Variants in SLC15A1 observed in about 807,000 individuals in gnomAD.
SLC15A1 encodes Caco-2 oligopeptide transporter.
In SLC15A1, 83 loss-of-function variants were observed where a neutral mutation model predicts 92.9. The ratio of observed to expected loss-of-function variants is 0.89; its 90% confidence interval spans 0.75 to 1.07. SLC15A1 has a LOEUF of 1.07. Among genes scored for constraint, SLC15A1 ranks in the 50% least tolerant of loss-of-function variants. The pLI is 0.00. For synonymous variants in SLC15A1, 322 were observed against 318.2 expected (o/e 1.01, Z -0.13); for missense variants, 857 against 880.1 (o/e 0.97, Z 0.33).
chr13:98,749,578 G>A (rs1479872922), intron 1 of SLC15A1, among the ~76,000 whole-genome samples: 2 of 152,134 alleles, frequency 1.3e-5, no homozygotes, highest in Non-Finnish European at 2.9e-5. Flanking sequence ...TTCGGAGGCT[G>A]CTTTTTCTTA....
intron 1 of SLC15A1, among the ~76,000 whole-genome samples, chr13:98,727,357 A>G (rs1006366416): frequency 7.2e-5 from 11 of 152,058 alleles, no homozygotes; most frequent in African/African-American, 2.7e-4. Flanking sequence ...CCCTTCCCAA[A>G]TCATCTCTGA....
At chr13:98,719,402 T>G (rs771771158) in intron 7 of SLC15A1, 82 bp from the exon 8 acceptor site, 203 of 961,026 alleles carry the variant, frequency 2.1e-4, no homozygotes, top group Middle Eastern at 1.3e-3. Flanking sequence ...CCCTCACTGA[T>G]AATTACGTAT....
rs1212219766 is a variant in SLC15A1 at position 98,692,434 on chromosome 13, C to A, written c.1467-3857G>T. Among the ~76,000 whole-genome samples, 4 of 152,052 alleles carry A rather than the reference C, an allele frequency of 2.6e-5. No homozygotes were observed. In the South Asian group the frequency reaches 8.3e-4, roughly 32 times the overall value. Reference sequence around the variant, plus strand: ...TCCACCTCCCAAAGTGCTGGGATTACAGCCATGAGCCACTAAACCCGGTCT... The same window carrying A: ...TCCACCTCCCAAAGTGCTGGGATTAAAGCCATGAGCCACTAAACCCGGTCT... On this transcript the variant is annotated intron_variant, in intron 18 of 22. Coordinates refer to ENST00000376503, the MANE Select transcript of SLC15A1 (RefSeq NM_005073.4).
chr13:98,691,052 G>GT (rs997824062), intron 18 of SLC15A1, among the ~76,000 whole-genome samples: 39 of 150,106 alleles, frequency 2.6e-4, no homozygotes, highest in East Asian at 9.8e-4. Flanking sequence ...TTCCTTTTTT[G>GT]TTTTTTTTTG....
Position 98,709,639 on chromosome 13 carries a change from C to G in SLC15A1, c.1000G>C (p.Val334Leu). 3 of 1,614,164 alleles carry G rather than the reference C, an allele frequency of 1.9e-6. No homozygotes were observed. The highest frequency in any genetic ancestry group is 1.6e-4 in the Middle Eastern group (1 of 6,062). The change falls in exon 14 of 23, where the codon GTG (valine) becomes CTG (leucine). Residue 334 changes from valine (V) to leucine (L), a missense_variant. By Grantham distance (32) the Val-to-Leu change is conservative (BLOSUM62 1). Transcript: ENST00000376503. ...QMQTVNAILIVIMVPIFDAVL... is the reference protein window; with the variant it reads ...QMQTVNAILILIMVPIFDAVL... ...GCATCGAAGATCGGGACCATGATCA[C>G]GATCAGGATGGCGTTCACGGTCTGC...
chr13:98,686,798 T>C (rs1451579327), intron 21 of SLC15A1, among the ~76,000 whole-genome samples: 2 of 152,198 alleles, frequency 1.3e-5, no homozygotes, highest in Non-Finnish European at 2.9e-5. Context: ...TAAAAATTGA[T>C]GGTACTAGGC....
At chr13:98,717,770 T>A (rs2088222400) in intron 8 of SLC15A1, among the ~76,000 whole-genome samples, 1 of 152,228 alleles carries the variant, frequency 6.6e-6, no homozygotes, top group South Asian at 2.1e-4. Context: ...ACTACTAAGA[T>A]CTGAAAACAA....
chr13:98,735,991 C>T (rs1209429119), intron 1 of SLC15A1, among the ~76,000 whole-genome samples: 4 of 152,154 alleles, frequency 2.6e-5, no homozygotes, highest in Admixed American at 2.6e-4. Flanking sequence ...GAAAAAACTA[C>T]TTTAAAGTTC....
In SLC15A1 at chr13:98,737,895, T is replaced by A. The variant is rs559351929; in HGVS notation, c.5-11036A>T. Reference sequence around the variant, plus strand: ...TTAGAAACTGTCTAAATGGTTGTGATCAAAATGCAAATAGTGACATGGACT... The same window carrying A: ...TTAGAAACTGTCTAAATGGTTGTGAACAAAATGCAAATAGTGACATGGACT... On this transcript the variant is annotated intron_variant, in intron 1 of 22. Transcript: ENST00000376503. Among the ~76,000 whole-genome samples, 3 of 152,280 alleles carry A rather than the reference T, an allele frequency of 2.0e-5. No individual in the cohort carries two copies. The East Asian group carries it at 5.8e-4, about 29-fold the overall frequency.
chr13:98,686,385 A>T, intron 21 of SLC15A1, 88 bp from the exon 22 acceptor site: 1 of 863,218 alleles, frequency 1.2e-6, no homozygotes, highest in East Asian at 2.7e-5. Context: ...TTCGTGAAGC[A>T]GATCACCCTA....
intron 18 of SLC15A1, among the ~76,000 whole-genome samples, chr13:98,690,681 T>G (rs1396612621): frequency 6.6e-6 from 1 of 152,080 alleles, no homozygotes; most frequent in African/African-American, 2.4e-5. Context: ...GATTCAGTGG[T>G]GATGGGAACC....
chr13:98,700,338 A>G (rs1208346039), intron 18 of SLC15A1, among the ~76,000 whole-genome samples: 1 of 152,002 alleles, frequency 6.6e-6, no homozygotes, highest in African/African-American at 2.4e-5. Context: ...AGTGAAAATT[A>G]GCTGGGTGTG....
chr13:98,688,646 AC>A, intron 18 of SLC15A1, 69 bp from the exon 19 acceptor site: 1 of 1,144,320 alleles, frequency 8.7e-7, no homozygotes, highest in South Asian at 1.3e-5. Flanking sequence ...CAGTACATGC[AC>A]CTGAAGTTGG....
chr13:98,686,836 A>G (rs1403603408), intron 21 of SLC15A1, among the ~76,000 whole-genome samples: 1 of 152,244 alleles, frequency 6.6e-6, no homozygotes, highest in Non-Finnish European at 1.5e-5. Flanking sequence ...CTATAACTAT[A>G]GCTCTGACAA....
chr13:98,715,120 T>G (rs557760682), intron 9 of SLC15A1, among the ~76,000 whole-genome samples: 1 of 152,360 alleles, frequency 6.6e-6, no homozygotes, highest in Non-Finnish European at 1.5e-5. Context: ...ATTATAAGTA[T>G]TACAATGATA....
At position 98,723,971 on chromosome 13, in the gene SLC15A1, G is replaced by A; in HGVS notation, c.306C>T (p.Ser102=). 1.2e-6 allele frequency: 2 copies of A among 1,614,196 alleles called. No individual in the cohort carries two copies. Among genetic ancestry groups the A allele is most frequent in the African/African-American group, 1.3e-5 (1 of 75,058 alleles). Residue 102 remains serine, a synonymous_variant, in exon 5 of 23, where the codon TCC becomes TCT. Transcript: ENST00000376503. ...GGTTGTGGTCTGTGAGGTCATTAATGGAGCTTACTGAGGTGACTGCTTGTC... is the reference window on the plus strand; with the variant it reads ...GGTTGTGGTCTGTGAGGTCATTAATAGAGCTTACTGAGGTGACTGCTTGTC... ...TIGQAVTSVS[S]INDLTDHNHD... is the part of the protein sequence containing the mutation.
intron 1 of SLC15A1, among the ~76,000 whole-genome samples, chr13:98,743,991 C>T (rs1432896329): frequency 6.6e-6 from 1 of 151,942 alleles, no homozygotes; most frequent in Non-Finnish European, 1.5e-5. Flanking sequence ...TATATTGTCA[C>T]AGGAGAAAAT....
chr13:98,707,891 T>TTTAAAAA (rs1315915894), intron 15 of SLC15A1, among the ~76,000 whole-genome samples: 5 of 106,844 alleles, frequency 4.7e-5, no homozygotes, highest in African/African-American at 2.0e-4. Flanking sequence ...AGACCCTGTT[T>TTTAAAAA]AAAAAAAAAA....
At chr13:98,731,842 C>T (rs749947417) in intron 1 of SLC15A1, among the ~76,000 whole-genome samples, 15 of 152,196 alleles carry the variant, frequency 9.9e-5, no homozygotes, top group Non-Finnish European at 1.8e-4. Context: ...AATCATTATA[C>T]ACCTAACTAA....
Sources: allele counts gnomAD v4.1 joint callset (sites outside exome capture counted in the v4.1 genomes callset), GRCh38; gene constraint gnomAD v4.1.1; transcripts MANE v1.5; gene names NCBI Gene and HGNC (gene_info 2026-07-23, HGNC 2026-07-21).